Variants in RNF213 observed in about 807,000 individuals in gnomAD.
The protein encoded by RNF213 is E3 ubiquitin-protein ligase RNF213.
RNF213 carries 341 observed loss-of-function variants against 514.4 expected under a neutral mutation model. The ratio of observed to expected loss-of-function variants is 0.66; its 90% CI spans 0.61 to 0.73. RNF213 has a LOEUF of 0.73. Ranked by LOEUF, RNF213 falls within the 30% of genes least tolerant of loss-of-function variation. RNF213 has a pLI of 0.00. For synonymous variants in RNF213, 2,655 were observed against 2,658.2 expected (o/e 1.00, Z 0.04); for missense variants, 5,767 against 6,615.6 (o/e 0.87, Z 4.45).
rs773411456 is a variant in RNF213, at chr17:80,379,697, C to T, written c.13623C>T (p.Asp4541=). 1.4e-5 allele frequency: 23 copies of T among 1,614,036 alleles called. No homozygotes were observed. Among genetic ancestry groups the T allele is most frequent in the East Asian group, 1.1e-4 (5 of 44,896 alleles). Residue 4541 remains aspartate (D), a synonymous_variant, in exon 55 of 68, where the codon GAC becomes GAT. Transcript: ENST00000582970. ...GAGGCATTGACCACAAACCTCGGGA[C>T]GGCTTTCATCTGGTCAAGTATGTGG... is the stretch of plus-strand genomic sequence containing the variant. ...PIGGIDHKPR[D]GFHLVKDKAD...
At chr17:80,277,783 G>C (rs138689611) in intron 3 of RNF213, among the ~76,000 whole-genome samples, 1 of 152,152 alleles carries the variant, frequency 6.6e-6, no homozygotes, top group South Asian at 2.1e-4. Context: ...ATGCGTGAAC[G>C]GTGCTCTAAG....
rs2046057654 is a variant in RNF213, at chr17:80,319,319, A to G, written c.3024+7A>G. 1 of 1,614,182 alleles carries G rather than the reference A, an allele frequency of 6.2e-7. No homozygotes were observed. The highest frequency in any genetic ancestry group is 8.5e-7 in the Non-Finnish European group (1 of 1,180,030). On this transcript the variant is annotated splice_region_variant and intron_variant, in intron 17 of 67. Coordinates refer to ENST00000582970, the MANE Select transcript of RNF213 (RefSeq NM_001256071.3). The stretch of plus-strand genomic sequence containing the variant: ...CGTGAGCTCAGCCTGCCAGGTGAAC[A>G]ATCTCTCCTCCTGGGAAACGGATTC...
At chr17:80,291,607 C>T in intron 7 of RNF213, 21 bp from the exon 8 acceptor site, 2 of 1,613,284 alleles carry the variant, frequency 1.2e-6, no homozygotes, top group Non-Finnish European at 1.7e-6. Context: ...GGATAGCCAA[C>T]CGTATCCTGT....
chr17:80,338,526 G>C (rs1400621391), intron 25 of RNF213, among the ~76,000 whole-genome samples: 2 of 151,896 alleles, frequency 1.3e-5, no homozygotes, highest in African/African-American at 4.8e-5. Context: ...GCTCACACCT[G>C]TAAAGCCAGC....
chr17:80,339,063 AG>A, intron 25 of RNF213, 137 bp from the exon 26 acceptor site: 1 of 397,568 alleles, frequency 2.5e-6, no homozygotes. Flanking sequence ...ATGAGGAGGG[AG>A]GCCTTGTGAG....
Position 80,287,898 on chromosome 17 carries a change from C to A in RNF213, c.345C>A (p.Ala115=), listed in dbSNP as rs1310338515. 2 of 1,579,592 alleles carry A rather than the reference C, an allele frequency of 1.3e-6. No homozygotes were observed. Among genetic ancestry groups the A allele is most frequent in the East Asian group, 4.7e-5 (2 of 42,144 alleles). The change falls in exon 4 of 68, where the codon GCC becomes GCA. Residue 115 remains alanine (A), a synonymous_variant. Transcript: ENST00000582970. ...TGGCTTCCTTGCCCCTTTCTCCTGCCAGCCCCTGTCACCTGACTTTGCTTT... is the reference window on the plus strand; with the variant it reads ...TGGCTTCCTTGCCCCTTTCTCCTGCAAGCCCCTGTCACCTGACTTTGCTTT... ...SELASLPLSP[A]SPCHLTLLSN...
chr17:80,321,164 C>A (rs2046125581), intron 17 of RNF213: 1 of 152,198 alleles, frequency 6.6e-6, no homozygotes, highest in South Asian at 2.1e-4. Context: ...AGTCTAACCA[C>A]AAAATTCACT....
In RNF213 at chr17:80,389,302, A is replaced by G. The variant is rs542225557; in HGVS notation, c.15130A>G (p.Met5044Val). 1 of 1,614,184 alleles carries G rather than the reference A, an allele frequency of 6.2e-7. No homozygotes were observed. The highest frequency in any genetic ancestry group is 8.5e-7 in the Non-Finnish European group (1 of 1,180,028). ...FLSTAGGDPN[M>V]QLNVYTQDIL... Reference sequence around the variant, plus strand: ...GAGCACAGCTGGTGGGGATCCAAACATGCAGCTGAATGTGTATACTCAAGA... The same window carrying G: ...GAGCACAGCTGGTGGGGATCCAAACGTGCAGCTGAATGTGTATACTCAAGA... Residue 5044 changes from methionine (M) to valine (V), a missense_variant, in exon 65 of 68, where the codon ATG (methionine) becomes GTG (valine). By Grantham distance (21) the Met-to-Val change is conservative (BLOSUM62 1). Coordinates refer to ENST00000582970, the MANE Select transcript of RNF213 (RefSeq NM_001256071.3).
chr17:80,291,990 C>T (rs2044747918), intron 8 of RNF213, 163 bp downstream of exon 8: 2 of 745,278 alleles, frequency 2.7e-6, no homozygotes, highest in East Asian at 2.7e-5. Context: ...GTGACACTGA[C>T]TCTGGGTTGT....
Position 80,339,606 on chromosome 17 carries a change from G to A in RNF213, c.5239G>A (p.Gly1747Arg). 6.5e-7 allele frequency: 1 copy of A among 1,537,212 alleles called. No individual in the cohort carries two copies. The highest frequency in any genetic ancestry group is 8.7e-7 in the Non-Finnish European group (1 of 1,146,900). ...GAGGGATGTCTTAAGGGCCTCTGTG[G>A]GGTGTGGGAGTGAGGCCGCCAGGTA... ...TLRDVLRASV[G>R]CGSEAARYRM... Residue 1747 changes from glycine (G) to arginine (R), a missense_variant, in exon 26 of 68, where the codon GGG (glycine) becomes AGG (arginine). By Grantham distance (125) the Gly-to-Arg change is moderately radical. Transcript: ENST00000582970.
At chr17:80,312,880 T>C (rs772241954) in intron 14 of RNF213, 132 bp from the exon 15 acceptor site, 18 of 967,994 alleles carry the variant, frequency 1.9e-5, no homozygotes, top group Non-Finnish European at 2.9e-5. Context: ...TGCCAAGGCC[T>C]GTGGTCCCTC....
At position 80,367,827 on chromosome 17, in the gene RNF213, C is replaced by T. The variant is rs1230242605; in HGVS notation, c.11951C>T (p.Thr3984Ile). The change falls in exon 43 of 68, where the codon ACA (threonine) becomes ATA (isoleucine). Residue 3984 changes from threonine (T) to isoleucine (I), a missense_variant. Thr to Ile is a moderately conservative substitution (Grantham distance 89, BLOSUM62 -1). This residue lies in a region of RNF213 where 355 missense variants were observed against 358.0 expected (regional missense o/e 0.99). Transcript: ENST00000582970. ...VMRTLCECKE[T>I]ASKTLSRFGI... is the part of the protein sequence containing the mutation. ...CGCACTCTCTGTGAATGCAAGGAGA[C>T]AGCCAGCAAGACCCTCAGCAGGTGA... is the stretch of plus-strand genomic sequence containing the variant. 4 of 1,614,260 alleles carry T rather than the reference C, an allele frequency of 2.5e-6. No individual in the cohort carries two copies. Among genetic ancestry groups the T allele is most frequent in the Non-Finnish European group, 3.4e-6 (4 of 1,180,040 alleles).
At position 80,278,301 on chromosome 17, in the gene RNF213, C is replaced by T. The variant is rs555632252; in HGVS notation, c.261+4897C>T. Among the ~76,000 whole-genome samples, 30 of 152,358 alleles carry T rather than the reference C, an allele frequency of 2.0e-4. No individual in the cohort carries two copies. In the South Asian group the frequency reaches 3.5e-3, roughly 18 times the overall value. On this transcript the variant is annotated intron_variant, in intron 3 of 67. Coordinates refer to ENST00000582970, the MANE Select transcript of RNF213 (RefSeq NM_001256071.3). ...ATGCCCGCTACAGGGCCAGACTGCC[C>T]GCCTCCGCCTCTAGGGGCTTGGGAG...
Position 80,290,730 on chromosome 17 carries a change from T to G in RNF213, c.1271+2T>G. 1 of 1,614,052 alleles carries G rather than the reference T, an allele frequency of 6.2e-7. No homozygotes were observed. On this transcript the variant is annotated splice_donor_variant, in intron 7 of 67. Transcript: ENST00000582970. LOFTEE classifies it high-confidence loss of function. ...TATCTGTGAGCTGCACTACACCAGGTGAGCGTGTCTGTAGGCTTGGGAGGA... is the reference window on the plus strand; with the variant it reads ...TATCTGTGAGCTGCACTACACCAGGGGAGCGTGTCTGTAGGCTTGGGAGGA...
At position 80,347,979 on chromosome 17, in the gene RNF213, C is replaced by T; in HGVS notation, c.9644C>T (p.Ser3215Phe). ...CAGAAGAGGCACAAATACAGCCCCT[C>T]TGACGTCTTCATCGGCTACCACTCG... ...HFQKRHKYSP[S>F]DVFIGYHSDA... is the part of the protein sequence containing the mutation. The change falls in exon 29 of 68, where the codon TCT becomes TTT. Residue 3215 changes from serine (S) to phenylalanine (F), a missense_variant. By Grantham distance (155) the Ser-to-Phe change is radical. Around this residue, in one of 13 missense-constraint regions of RNF213, gnomAD observed 919 missense variants for 1,121.0 expected, o/e 0.82. Coordinates refer to ENST00000582970, the MANE Select transcript of RNF213 (RefSeq NM_001256071.3). This position sits in a 1 kb window ranked among gnomAD's most constrained non-coding sequence, Gnocchi z 7.2. The T allele has an allele frequency of 6.2e-7, 1 of 1,614,198 alleles. No individual in the cohort carries two copies. Among genetic ancestry groups the T allele is most frequent in the East Asian group, 2.2e-5 (1 of 44,880 alleles).
chr17:80,363,618 G>C lies in RNF213; in HGVS notation c.11578G>C (p.Ala3860Pro), dbSNP rs531538248. 1 of 1,613,790 alleles carries C rather than the reference G, an allele frequency of 6.2e-7. No individual in the cohort carries two copies. Among genetic ancestry groups the C allele is most frequent in the Admixed American group, 1.7e-5 (1 of 60,028 alleles). Residue 3860 changes from alanine to proline, a missense_variant, in exon 41 of 68, where the codon GCA (alanine) becomes CCA (proline). Physicochemically the swap from Ala to Pro is conservative, Grantham distance 27. Transcript: ENST00000582970. Reference sequence around the variant, plus strand: ...CTGTCCGTCTCCCCAGACCCTGGACGCATTTGCCGCAATGGCCTGCACGGA... The same window carrying C: ...CTGTCCGTCTCCCCAGACCCTGGACCCATTTGCCGCAATGGCCTGCACGGA... ...ELAGCEMTLD[A>P]FAAMACTEML...
intron 11 of RNF213, among the ~76,000 whole-genome samples, chr17:80,303,101 G>A (rs578143578): frequency 4.6e-5 from 7 of 152,306 alleles, no homozygotes; most frequent in Admixed American, 1.3e-4. Context: ...AAGGCACAGC[G>A]TGTACAGCAC....
chr17:80,379,534 TAAG>T lies in RNF213; in HGVS notation c.13546-85_13546-83del, dbSNP rs1186757500. The T allele has an allele frequency of 7.4e-5, 91 of 1,229,888 alleles. 1 individual carries two copies. In the Middle Eastern group the frequency reaches 8.3e-4, roughly 11 times the overall value. The allele number at this position is 1,229,888 out of a possible 1,614,324, so 76.2% of individuals were successfully genotyped here. Reference sequence around the variant, plus strand: ...TGAGGGTGCTCACGTCTGCCGGTGATAAGGAGGTGTTCATTTGCATGATGGCAT... The same window carrying T: ...TGAGGGTGCTCACGTCTGCCGGTGATGAGGTGTTCATTTGCATGATGGCAT... On this transcript the variant is annotated intron_variant, in intron 54 of 67. Coordinates refer to ENST00000582970, the MANE Select transcript of RNF213 (RefSeq NM_001256071.3).
chr17:80,372,607 T>A lies in RNF213; in HGVS notation c.12624T>A (p.Tyr4208Ter). The A allele has an allele frequency of 3.7e-6, 6 of 1,614,024 alleles. No individual in the cohort carries two copies. Among genetic ancestry groups the A allele is most frequent in the Non-Finnish European group, 5.1e-6 (6 of 1,179,986 alleles). The part of the protein sequence containing the change: ...LEEEGRFLKA[Y>*]SPASRGREPA... ...AGGAAGGTCGTTTCCTTAAGGCATA[T>A]TCTCCAGCAAGCCGGGGCCGAGAGC... The change falls in exon 48 of 68, where the codon TAT (tyrosine) becomes TAA (stop). Residue 4208 changes from tyrosine (Y) to a stop codon, truncating the protein, a stop_gained. Coordinates refer to ENST00000582970, the MANE Select transcript of RNF213 (RefSeq NM_001256071.3). LOFTEE classifies it high-confidence loss of function.
Sources: allele counts gnomAD v4.1 joint callset (sites outside exome capture counted in the v4.1 genomes callset), GRCh38; gene constraint gnomAD v4.1.1; regional missense constraint gnomAD v4.1.1; non-coding constraint Gnocchi (gnomAD v3.1); transcripts MANE v1.5; gene names NCBI Gene and HGNC (gene_info 2026-07-23, HGNC 2026-07-21).